Variants in FRMD4A observed in about 807,000 individuals in gnomAD.
FRMD4A encodes the protein FERM domain containing 4A.
FRMD4A carries 29 observed loss-of-function variants against 129.1 expected under a neutral mutation model. The ratio of observed to expected loss-of-function variants is 0.22; its 90% confidence interval spans 0.17 to 0.31. FRMD4A has a LOEUF of 0.31. Ranked by LOEUF, FRMD4A falls within the 10% of genes least tolerant of loss-of-function variation. The pLI, the probability that FRMD4A is intolerant of heterozygous loss-of-function variation, is 1.00. For synonymous variants in FRMD4A, 634 were observed against 571.6 expected (o/e 1.11, Z -1.56); for missense variants, 1,272 against 1,375.8 (o/e 0.92, Z 1.19).
intron 2 of FRMD4A, among the ~76,000 whole-genome samples, chr10:14,309,584 GT>G (rs1846469034): frequency 6.6e-6 from 1 of 152,132 alleles, no homozygotes; most frequent in Non-Finnish European, 1.5e-5. Flanking sequence ...GGCAGTTCTG[GT>G]TCATTTAAGT....
chr10:13,788,988 C>T (rs2092931958), intron 5 of FRMD4A, among the ~76,000 whole-genome samples: 2 of 152,190 alleles, frequency 1.3e-5, no homozygotes, highest in Non-Finnish European at 2.9e-5. Context: ...TTGGGAATCA[C>T]TGAATATTTA....
intron 2 of FRMD4A, among the ~76,000 whole-genome samples, chr10:13,881,990 GGT>G (rs71388128): frequency 0.16 from 2,425 of 15,384 alleles, 76 homozygotes; most frequent in Middle Eastern, 0.25. Flanking sequence ...GAGAGGCAAG[GGT>G]GTGTGTGTGT....
chr10:14,086,088 T>C (rs980696119), intron 2 of FRMD4A, among the ~76,000 whole-genome samples: 1 of 152,202 alleles, frequency 6.6e-6, no homozygotes, highest in African/African-American at 2.4e-5. Flanking sequence ...AATGTACACA[T>C]GTAACACACA....
intron 2 of FRMD4A, among the ~76,000 whole-genome samples, chr10:13,886,301 C>G (rs761221333): frequency 2.6e-5 from 4 of 151,108 alleles, no homozygotes; most frequent in Non-Finnish European, 5.9e-5. Flanking sequence ...AAGGCTGCAT[C>G]ACCAATGAAC....
At chr10:14,290,300 A>G (rs538010004) in intron 2 of FRMD4A, among the ~76,000 whole-genome samples, 1 of 152,270 alleles carries the variant, frequency 6.6e-6, no homozygotes, top group South Asian at 2.1e-4. Flanking sequence ...ACAAAACTGA[A>G]GGCATCAGAC....
intron 2 of FRMD4A, among the ~76,000 whole-genome samples, chr10:14,048,885 TAGAATAGAATAGAATAGAAAATA>T (rs1834120581): frequency 1.1e-5 from 1 of 92,832 alleles, no homozygotes; most frequent in African/African-American, 4.7e-5. Flanking sequence ...TAGAATAGAA[TAGAATAGAATAGAATAGAAAATA>T]AAATGAAATA....
intron 2 of FRMD4A, among the ~76,000 whole-genome samples, chr10:14,168,578 CTATTCCCACTTG>C: frequency 6.6e-6 from 1 of 152,318 alleles, no homozygotes; most frequent in Admixed American, 6.5e-5. Flanking sequence ...AGGTCATCTG[CTATTCCCACTTG>C]TATTCATGGC....
intron 2 of FRMD4A, among the ~76,000 whole-genome samples, chr10:14,230,878 G>C (rs968903646): frequency 4.6e-5 from 7 of 152,188 alleles, no homozygotes. Context: ...GTGAGAACAT[G>C]TGGTATTTGA....
chr10:14,306,042 G>T (rs952045915), intron 2 of FRMD4A, among the ~76,000 whole-genome samples: 1 of 152,242 alleles, frequency 6.6e-6, no homozygotes, highest in East Asian at 1.9e-4. Flanking sequence ...TTAATACCTA[G>T]GTGATGGGAT....
chr10:14,205,160 A>G (rs7086417), intron 2 of FRMD4A, among the ~76,000 whole-genome samples: 263 of 152,078 alleles, frequency 1.7e-3, no homozygotes, highest in Non-Finnish European at 2.7e-3. Flanking sequence ...CATAGGAAAA[A>G]AAATTCTATT....
chr10:13,865,201 C>T (rs1367470329), intron 2 of FRMD4A, among the ~76,000 whole-genome samples: 2 of 152,038 alleles, frequency 1.3e-5, no homozygotes, highest in African/African-American at 4.8e-5. Flanking sequence ...ATAGCGTCTA[C>T]CTCTTAGGAA....
At chr10:14,081,566 A>C (rs1336220362) in intron 2 of FRMD4A, among the ~76,000 whole-genome samples, 3 of 152,252 alleles carry the variant, frequency 2.0e-5, no homozygotes, top group Non-Finnish European at 4.4e-5. Flanking sequence ...GAAGATAAAA[A>C]TAAGTCAAGG....
intron 2 of FRMD4A, among the ~76,000 whole-genome samples, chr10:14,123,478 C>G (rs1255681991): frequency 6.6e-6 from 1 of 152,204 alleles, no homozygotes; most frequent in Non-Finnish European, 1.5e-5. Flanking sequence ...AAACTCCTAG[C>G]CTTCTTCCTG....
At chr10:13,938,648 T>C (rs2095267254) in intron 2 of FRMD4A, among the ~76,000 whole-genome samples, 3 of 152,206 alleles carry the variant, frequency 2.0e-5, no homozygotes, top group Non-Finnish European at 4.4e-5. Flanking sequence ...CAAAGCTTTA[T>C]ACAGGGCACA....
At chr10:14,263,098 C>T (rs868403141) in intron 2 of FRMD4A, among the ~76,000 whole-genome samples, 1 of 152,150 alleles carries the variant, frequency 6.6e-6, no homozygotes, top group East Asian at 1.9e-4. Context: ...GGAGAGGACC[C>T]GTGTGCGATA....
intron 19 of FRMD4A, among the ~76,000 whole-genome samples, 167 bp downstream of exon 19, chr10:13,663,286 C>T (rs1219134108): frequency 9.4e-6 from 1 of 106,452 alleles, no homozygotes; most frequent in Non-Finnish European, 2.0e-5. Context: ...CACCTACCCA[C>T]TCCCAACCAA....
intron 12 of FRMD4A, among the ~76,000 whole-genome samples, chr10:13,725,532 C>G (rs142882477): frequency 2.2e-4 from 33 of 152,178 alleles, no homozygotes; most frequent in African/African-American, 7.5e-4. Context: ...CTGGACAGGG[C>G]AATGCTTTTT....
At position 13,749,926 on chromosome 10, in the gene FRMD4A, C is replaced by A. The variant is rs1030054573; in HGVS notation, c.465-2107G>T. ...CTGTAATTGCAACACCACACTCCAG[C>A]CTGGGTGACAGAGGGAGACCCTATC... On this transcript the variant is annotated intron_variant, in intron 8 of 24. Coordinates refer to ENST00000357447, the MANE Select transcript of FRMD4A (RefSeq NM_018027.5). 2.7e-5 allele frequency among the ~76,000 whole-genome samples: 4 copies of A among 149,630 alleles called. No individual in the cohort carries two copies. The Admixed American group carries it at 2.7e-4, about 10-fold the overall frequency.
At chr10:13,702,101 T>C (rs538613544) in intron 13 of FRMD4A, among the ~76,000 whole-genome samples, 1 of 152,310 alleles carries the variant, frequency 6.6e-6, no homozygotes, top group South Asian at 2.1e-4. Flanking sequence ...AGATGGAGTC[T>C]TGCCCTGTCA....
Sources: gnomAD v4.1 joint callset for allele counts (sites outside exome capture counted in the v4.1 genomes callset) on GRCh38, gnomAD v4.1.1 for gene constraint, MANE v1.5 for transcripts, NCBI Gene and HGNC (gene_info 2026-07-23, HGNC 2026-07-21) for gene names.